The following TRAF6 variants were observed in gnomAD, a reference collection of about 807,000 sequenced individuals.
The protein encoded by TRAF6 is TNF receptor associated factor 6, also known as TNF receptor-associated factor 6.
A neutral mutation model predicts 48.4 loss-of-function variants in TRAF6; 10 were observed. The ratio of observed to expected loss-of-function variants is 0.21; its 90% CI spans 0.13 to 0.35. TRAF6 has a LOEUF of 0.35. Ranked by LOEUF, TRAF6 falls within the 10% of genes least tolerant of loss-of-function variation. TRAF6 has a pLI of 1.00. For missense variants in TRAF6, 397 were observed against 661.0 expected (o/e 0.60, Z 4.38); for synonymous variants, 186 against 219.6 (o/e 0.85, Z 1.35).
intron 2 of TRAF6, among the ~76,000 whole-genome samples, chr11:36,500,146 T>C (rs1298008012): frequency 6.6e-6 from 1 of 152,092 alleles, no homozygotes; most frequent in African/African-American, 2.4e-5. Context: ...GGGCAGACAA[T>C]AAACACATAA....
rs2133659070 is a variant in TRAF6 at position 36,485,188 on chromosome 11, TTCA to T, written c.*4647_*4649del. Reference sequence around the variant, plus strand: ...CAACATTTCTGCATGTTTGGGAAATTTCATCAAGTGCTGAAGAAAAAAAGCAAA... The same window carrying T: ...CAACATTTCTGCATGTTTGGGAAATTTCAAGTGCTGAAGAAAAAAAGCAAA... On this transcript the variant is annotated 3_prime_UTR_variant, in exon 7 of 7. Coordinates refer to ENST00000526995, the MANE Select transcript of TRAF6 (RefSeq NM_004620.4). Among the ~76,000 whole-genome samples the T allele has an allele frequency of 6.6e-6, 1 of 152,264 alleles. No homozygotes were observed. The highest frequency in any genetic ancestry group is 1.5e-5 in the Non-Finnish European group (1 of 68,030).
At position 36,489,670 on chromosome 11, in the gene TRAF6, G is replaced by A; in HGVS notation, c.*168C>T. On this transcript the variant is annotated 3_prime_UTR_variant, in exon 7 of 7. Coordinates refer to ENST00000526995, the MANE Select transcript of TRAF6 (RefSeq NM_004620.4). ...ACGTGTGGATTCCCAGGAAAAAACT[G>A]CCTCAGATCATTTGTAACAGGAAGA... 1.3e-6 allele frequency: 1 copy of A among 781,710 alleles called. No homozygotes were observed. The highest frequency in any genetic ancestry group is 1.9e-5 in the South Asian group (1 of 51,868). 48.4% of individuals were successfully genotyped at this position (781,710 alleles called of 1,614,324 possible).
At chr11:36,498,383 C>T in intron 3 of TRAF6, 107 bp downstream of exon 3, 1 of 940,096 alleles carries the variant, frequency 1.1e-6, no homozygotes, top group Non-Finnish European at 1.5e-6. Context: ...ATTAACCAAT[C>T]ATCATATGCT....
Position 36,486,159 on chromosome 11 carries a change from C to T in TRAF6, c.*3679G>A, listed in dbSNP as rs1300406796. 6.6e-6 allele frequency among the ~76,000 whole-genome samples: 1 copy of T among 152,086 alleles called. No individual in the cohort carries two copies. Among genetic ancestry groups the T allele is most frequent in the Non-Finnish European group, 1.5e-5 (1 of 68,028 alleles). On this transcript the variant is annotated 3_prime_UTR_variant, in exon 7 of 7. Transcript: ENST00000526995. ...GGTTCAAGCGATTCCCGTGCCTCAG[C>T]CTCCCAAGAAGCTGGGATTACAGGC...
Position 36,501,553 on chromosome 11 carries a change from GA to G in TRAF6, c.-22-17del, listed in dbSNP as rs761454091. 4 of 1,532,010 alleles carry G rather than the reference GA, an allele frequency of 2.6e-6. No homozygotes were observed. The African/African-American group carries it at 4.1e-5, about 16-fold the overall frequency. The allele number at this position is 1,532,010 out of a possible 1,614,324, so 94.9% of individuals were successfully genotyped here. A position where few individuals can be genotyped will look rare whatever the true frequency, so the allele number is the denominator to read the frequency against. On this transcript the variant is annotated splice_polypyrimidine_tract_variant and intron_variant, in intron 1 of 6. Coordinates refer to ENST00000526995, the MANE Select transcript of TRAF6 (RefSeq NM_004620.4). Reference sequence around the variant, plus strand: ...ATCACTTGCTCTGTAGAAATAGCAAGAAAAAAATGCCTTTATAAGTAACACA... The same window carrying G: ...ATCACTTGCTCTGTAGAAATAGCAAGAAAAAATGCCTTTATAAGTAACACA...
intron 4 of TRAF6, 54 bp from the exon 5 acceptor site, chr11:36,495,101 AAAC>A: frequency 7.2e-7 from 1 of 1,389,500 alleles, no homozygotes; most frequent in Non-Finnish European, 1.0e-6. Flanking sequence ...GAAAAAGTGA[AAAC>A]AACTAATTTT....
intron 6 of TRAF6, among the ~76,000 whole-genome samples, chr11:36,491,960 A>G (rs1316557421): frequency 6.6e-6 from 1 of 151,804 alleles, no homozygotes; most frequent in Non-Finnish European, 1.5e-5. Flanking sequence ...TCCTGTGTTC[A>G]CTCTTTTTTG....
chr11:36,497,532 T>C (rs1192910537), intron 3 of TRAF6, among the ~76,000 whole-genome samples: 1 of 152,208 alleles, frequency 6.6e-6, no homozygotes, highest in Non-Finnish European at 1.5e-5. Flanking sequence ...TTCCTATTTA[T>C]CAATTTATTA....
chr11:36,509,270 T>G (rs1173517596), intron 1 of TRAF6, among the ~76,000 whole-genome samples: 1 of 152,244 alleles, frequency 6.6e-6, no homozygotes, highest in Non-Finnish European at 1.5e-5. Flanking sequence ...ATACTTTATT[T>G]AGGTGCTTTC....
At position 36,487,952 on chromosome 11, in the gene TRAF6, TAAGC is replaced by T. The variant is rs747295959; in HGVS notation, c.*1882_*1885del. 2 of 152,300 alleles carry T rather than the reference TAAGC, an allele frequency of 1.3e-5. No individual in the cohort carries two copies. Among genetic ancestry groups the T allele is most frequent in the East Asian group, 3.9e-4 (2 of 5,188 alleles). The allele number at this position is 152,300 out of a possible 1,614,324, so 9.4% of individuals were successfully genotyped here. A position where few individuals can be genotyped will look rare whatever the true frequency, so the allele number is the denominator to read the frequency against. On this transcript the variant is annotated 3_prime_UTR_variant, in exon 7 of 7. Transcript: ENST00000526995. The stretch of plus-strand genomic sequence containing the variant: ...TTTATTGTAGAAAATGTAAAAAATA[TAAGC>T]AAGCGCAAAGGAAAATAAGCCAACA...
Position 36,498,633 on chromosome 11 carries a change from C to G in TRAF6, c.304G>C (p.Gly102Arg). 6.2e-7 allele frequency: 1 copy of G among 1,607,958 alleles called. No individual in the cohort carries two copies. The highest frequency in any genetic ancestry group is 8.5e-7 in the Non-Finnish European group (1 of 1,178,270). The change falls in exon 3 of 7, where the codon GGT becomes CGT. Residue 102 changes from glycine (G) to arginine (R), a missense_variant. Gly to Arg is a moderately radical substitution (Grantham distance 125). Transcript: ENST00000526995. Reference sequence around the variant, plus strand: ...TCATTGTCAACTGGACATTTGTGACCTGCATCCCTAACAGAAACAAAATAC... The same window carrying G: ...TCATTGTCAACTGGACATTTGTGACGTGCATCCCTAACAGAAACAAAATAC... ...ACIIKSIRDA[G>R]HKCPVDNEIL...
intron 1 of TRAF6, among the ~76,000 whole-genome samples, chr11:36,505,924 A>T (rs1020814474): frequency 6.6e-6 from 1 of 152,102 alleles, no homozygotes; most frequent in African/African-American, 2.4e-5. Flanking sequence ...TCATCATCTC[A>T]TATGGGTGTG....
Position 36,484,808 on chromosome 11 carries a change from G to T in TRAF6, c.*5030C>A. Among the ~76,000 whole-genome samples, 1 of 152,096 alleles carries T rather than the reference G, an allele frequency of 6.6e-6. No individual in the cohort carries two copies. The highest frequency in any genetic ancestry group is 1.5e-5 in the Non-Finnish European group (1 of 68,026). ...ACAGAAATTAGATAATTTATCAAGT[G>T]CAAAAAGAACACGAGAATATTCTGC... On this transcript the variant is annotated 3_prime_UTR_variant, in exon 7 of 7. Coordinates refer to ENST00000526995, the MANE Select transcript of TRAF6 (RefSeq NM_004620.4).
intron 2 of TRAF6, 37 bp downstream of exon 2, chr11:36,501,183 C>T (rs1293904185): frequency 6.7e-7 from 1 of 1,497,774 alleles, no homozygotes; most frequent in East Asian, 2.4e-5. Context: ...GCATCTGGTT[C>T]TGTTATAGGA....
In TRAF6 at chr11:36,483,835, C is replaced by A. The variant is rs1859443456; in HGVS notation, c.*6003G>T. ...GTAGACATTGATGCAGTACATAGGG[C>A]TGGTAAGGAAGTAGTAACAGTGCGG... On this transcript the variant is annotated 3_prime_UTR_variant, in exon 7 of 7. Coordinates refer to ENST00000526995, the MANE Select transcript of TRAF6 (RefSeq NM_004620.4). 6.6e-6 allele frequency among the ~76,000 whole-genome samples: 1 copy of A among 152,016 alleles called. No homozygotes were observed. Among genetic ancestry groups the A allele is most frequent in the African/African-American group, 2.4e-5 (1 of 41,376 alleles).
chr11:36,508,639 AAT>A (rs1388699362), intron 1 of TRAF6, among the ~76,000 whole-genome samples: 1 of 152,224 alleles, frequency 6.6e-6, no homozygotes, highest in African/African-American at 2.4e-5. Flanking sequence ...ATGTAAAGAA[AAT>A]ATGAGAAATT....
chr11:36,491,126 GTC>G lies in TRAF6; in HGVS notation c.757-478_757-477del, dbSNP rs776943784. 9.4e-5 allele frequency among the ~76,000 whole-genome samples: 14 copies of G among 148,780 alleles called. No homozygotes were observed. The East Asian group carries it at 1.6e-3, about 17-fold the overall frequency. On this transcript the variant is annotated intron_variant, in intron 6 of 6. Transcript: ENST00000526995. ...GGACAAACCTCTCTGAAGAGCTTTTGTCTCTCTCTAGTTAATATTAATACCAT... is the reference window on the plus strand; with the variant it reads ...GGACAAACCTCTCTGAAGAGCTTTTGTCTCTCTAGTTAATATTAATACCAT...
Position 36,490,697 on chromosome 11 carries a change from A to C in TRAF6, c.757-47T>G. ...TAGGCTGGGAATAGATACCGTGAGGAGTAGGAAAAGGACCTGGCCAGGTCA... is the reference window on the plus strand; with the variant it reads ...TAGGCTGGGAATAGATACCGTGAGGCGTAGGAAAAGGACCTGGCCAGGTCA... On this transcript the variant is annotated intron_variant, in intron 6 of 6. Coordinates refer to ENST00000526995, the MANE Select transcript of TRAF6 (RefSeq NM_004620.4). This position sits in a 1 kb window ranked among gnomAD's most constrained non-coding sequence, Gnocchi z 6.4. 6.5e-7 allele frequency: 1 copy of C among 1,533,894 alleles called. No individual in the cohort carries two copies. Among genetic ancestry groups the C allele is most frequent in the Non-Finnish European group, 8.8e-7 (1 of 1,134,328 alleles).
At chr11:36,507,106 T>C (rs112337995) in intron 1 of TRAF6, among the ~76,000 whole-genome samples, 1,505 of 148,458 alleles carry the variant, frequency 0.01, 47 homozygotes, top group African/African-American at 0.035. Context: ...TACGTGTATA[T>C]ATGTATATAT....
Sources: allele counts gnomAD v4.1 joint callset (sites outside exome capture counted in the v4.1 genomes callset), GRCh38; gene constraint gnomAD v4.1.1; non-coding constraint Gnocchi (gnomAD v3.1); transcripts MANE v1.5; gene names NCBI Gene and HGNC (gene_info 2026-07-23, HGNC 2026-07-21).